Variants in PPP1R9A observed in about 807,000 individuals in gnomAD.
The protein encoded by PPP1R9A is neurabin-1.
Under a neutral mutation model 141.9 loss-of-function variants are expected in PPP1R9A, and 59 were observed. The ratio of observed to expected loss-of-function variants is 0.42; its 90% CI spans 0.34 to 0.52. The LOEUF (loss-of-function observed/expected upper bound fraction) is 0.52, where lower values mean the gene tolerates loss of function less well. Ranked by LOEUF, PPP1R9A falls within the 20% of genes least tolerant of loss-of-function variation. The probability of loss-of-function intolerance (pLI) is 0.10; values close to 1 mark genes in which losing one functional copy is unlikely to be tolerated. For synonymous variants in PPP1R9A, 500 were observed against 569.7 expected (o/e 0.88, Z 1.74); for missense variants, 1,444 against 1,611.9 (o/e 0.90, Z 1.78).
At chr7:95,161,992 A>G in intron 5 of PPP1R9A, 21 bp downstream of exon 5, 4 of 1,447,416 alleles carry the variant, frequency 2.8e-6, no homozygotes, top group Non-Finnish European at 3.8e-6. Flanking sequence ...GCCTTCTAAT[A>G]TACACCATGT....
Position 94,928,472 on chromosome 7 carries a change from A to G in PPP1R9A, c.1395+16964A>G, listed in dbSNP as rs377115337. ...TTTTCTCTCTGTTCTTTCAGTAAAC[A>G]TTTATCCTAGAAGCTTTCAACCAAC... On this transcript the variant is annotated intron_variant, in intron 2 of 19. Coordinates refer to ENST00000433360, the MANE Select transcript of PPP1R9A (RefSeq NM_001166160.2). Among the ~76,000 whole-genome samples, 10 of 152,296 alleles carry G rather than the reference A, an allele frequency of 6.6e-5. No individual in the cohort carries two copies. The East Asian group carries it at 1.2e-3, about 18-fold the overall frequency.
intron 4 of PPP1R9A, among the ~76,000 whole-genome samples, chr7:95,143,768 G>T (rs1460407082): frequency 6.6e-6 from 1 of 152,060 alleles, no homozygotes; most frequent in African/African-American, 2.4e-5. Flanking sequence ...ATAGACGCAG[G>T]TCTGGTCACA....
In PPP1R9A at chr7:95,133,541, A is replaced by G. The variant is rs960381212; in HGVS notation, c.1649+12709A>G. On this transcript the variant is annotated intron_variant, in intron 4 of 19. Transcript: ENST00000433360. ...TATATATATATATATATATATATAT[A>G]TGCACATCATTTATATATTGTTTTA... is the stretch of plus-strand genomic sequence containing the variant. Among the ~76,000 whole-genome samples the G allele has an allele frequency of 1.3e-4, 18 of 136,842 alleles. 1 individual carries two copies. The highest frequency in any genetic ancestry group is 4.7e-5 in the Non-Finnish European group (3 of 63,348). 89.8% of individuals were successfully genotyped at this position (136,842 alleles called of 152,430 possible).
At chr7:95,075,740 G>A (rs7803898) in intron 2 of PPP1R9A, among the ~76,000 whole-genome samples, 48,702 of 151,926 alleles carry the variant, frequency 0.32, 9,411 homozygotes, top group Non-Finnish European at 0.44. Context: ...AGGAGGCTGA[G>A]GCAGGAGAGT....
chr7:94,984,904 A>T (rs1800608434), intron 2 of PPP1R9A, among the ~76,000 whole-genome samples: 1 of 151,866 alleles, frequency 6.6e-6, no homozygotes, highest in Admixed American at 6.6e-5. Context: ...TTGCTTCTCT[A>T]GTTCTTTTAA....
At chr7:94,994,723 G>A (rs143434034) in intron 2 of PPP1R9A, among the ~76,000 whole-genome samples, 405 of 151,900 alleles carry the variant, frequency 2.7e-3, no homozygotes, top group African/African-American at 7.3e-3. Context: ...GTGAAACCCC[G>A]TCTTTACTAA....
intron 2 of PPP1R9A, among the ~76,000 whole-genome samples, chr7:94,985,770 G>T (rs73425019): frequency 1.3e-5 from 2 of 151,820 alleles, no homozygotes; most frequent in Admixed American, 1.3e-4. Context: ...ATGATTGAGG[G>T]CACTTGCCCC....
chr7:95,069,110 T>C (rs1352176102), intron 2 of PPP1R9A, among the ~76,000 whole-genome samples: 3 of 152,238 alleles, frequency 2.0e-5, no homozygotes, highest in Admixed American at 6.5e-5. Context: ...TAAGGAATAA[T>C]GACAAGAAAA....
chr7:95,184,280 A>C (rs1012125674), intron 5 of PPP1R9A, among the ~76,000 whole-genome samples: 1 of 152,202 alleles, frequency 6.6e-6, no homozygotes, highest in African/African-American at 2.4e-5. Flanking sequence ...TGTGACCCAT[A>C]GTTCACGAGG....
chr7:95,052,860 A>G (rs1811009308), intron 2 of PPP1R9A, among the ~76,000 whole-genome samples: 1 of 152,174 alleles, frequency 6.6e-6, no homozygotes, highest in South Asian at 2.1e-4. Context: ...GCCAAGTGCC[A>G]TCAATTCTAA....
chr7:95,011,711 C>T (rs1046305911), intron 2 of PPP1R9A, among the ~76,000 whole-genome samples: 4 of 152,120 alleles, frequency 2.6e-5, no homozygotes, highest in Non-Finnish European at 5.9e-5. Flanking sequence ...TTGGATGAAT[C>T]AGCACTGGCT....
chr7:95,218,194 C>T (rs2152933734), intron 7 of PPP1R9A, among the ~76,000 whole-genome samples: 1 of 152,296 alleles, frequency 6.6e-6, no homozygotes, highest in South Asian at 2.1e-4. Flanking sequence ...TTTCAAAGAA[C>T]ATCATTATTT....
At chr7:95,273,791 C>T in intron 14 of PPP1R9A, 108 bp from the exon 15 acceptor site, 5 of 1,046,058 alleles carry the variant, frequency 4.8e-6, no homozygotes, top group Non-Finnish European at 6.8e-6. Context: ...ATTTATTTTA[C>T]AATTAGGAAT....
At chr7:95,100,165 A>G in intron 2 of PPP1R9A, among the ~76,000 whole-genome samples, 1 of 152,202 alleles carries the variant, frequency 6.6e-6, no homozygotes, top group African/African-American at 2.4e-5. Context: ...CATGCCTGTA[A>G]TCCCAGCACT....
At chr7:95,249,675 A>T (rs1798607892) in intron 9 of PPP1R9A, among the ~76,000 whole-genome samples, 1 of 151,980 alleles carries the variant, frequency 6.6e-6, no homozygotes, top group Admixed American at 6.6e-5. Context: ...TATATTTTTT[A>T]AAAACTCTCA....
intron 6 of PPP1R9A, among the ~76,000 whole-genome samples, chr7:95,203,089 A>C (rs1464721628): frequency 6.6e-6 from 1 of 152,124 alleles, no homozygotes; most frequent in Admixed American, 6.5e-5. Context: ...CCCCTAAAAT[A>C]TAATTTAATC....
At chr7:95,094,489 A>T (rs1387886756) in intron 2 of PPP1R9A, among the ~76,000 whole-genome samples, 1 of 152,180 alleles carries the variant, frequency 6.6e-6, no homozygotes, top group African/African-American at 2.4e-5. Flanking sequence ...TAGGAATGGC[A>T]CCTAGATGTG....
At chr7:95,095,873 G>GTTT (rs986094930) in intron 2 of PPP1R9A, among the ~76,000 whole-genome samples, 1 of 151,206 alleles carries the variant, frequency 6.6e-6, no homozygotes, top group Admixed American at 6.6e-5. Flanking sequence ...TGTTTTGAAG[G>GTTT]TTTTTTTTTC....
chr7:94,937,022 T>C lies in PPP1R9A; in HGVS notation c.1395+25514T>C, dbSNP rs117977931. On this transcript the variant is annotated intron_variant, in intron 2 of 19. Transcript: ENST00000433360. ...TTGACAGGCATGTAAGACCATTCCA[T>C]GTCCATGTATTAGCATTTTTAATAG... Among the ~76,000 whole-genome samples, 16 of 152,282 alleles carry C rather than the reference T, an allele frequency of 1.1e-4. No individual in the cohort carries two copies. In the East Asian group the frequency reaches 2.1e-3, roughly 20 times the overall value.
Sources: gnomAD v4.1 joint callset for allele counts (sites outside exome capture counted in the v4.1 genomes callset) on GRCh38, gnomAD v4.1.1 for gene constraint, MANE v1.5 for transcripts, NCBI Gene and HGNC (gene_info 2026-07-23, HGNC 2026-07-21) for gene names.